NFASC: variants seen among roughly 807,000 people sequenced by gnomAD.
NFASC encodes the protein neurofascin.
In NFASC, 43 loss-of-function variants were observed where a neutral mutation model predicts 147.5. That is an observed-to-expected ratio of 0.29 (90% CI 0.23 to 0.38). The LOEUF (loss-of-function observed/expected upper bound fraction) is 0.38, where lower values mean the gene tolerates loss of function less well. NFASC is among the 10% of genes least tolerant of loss of function. The probability of loss-of-function intolerance (pLI) is 1.00; values close to 1 mark genes in which losing one functional copy is unlikely to be tolerated. For missense variants in NFASC, 1,320 were observed against 1,689.0 expected (o/e 0.78, Z 3.83); for synonymous variants, 622 against 665.5 (o/e 0.93, Z 1.01).
intron 28 of NFASC, among the ~76,000 whole-genome samples, chr1:205,012,305 G>C (rs572453863): frequency 6.6e-6 from 1 of 152,210 alleles, no homozygotes; most frequent in South Asian, 2.1e-4. Flanking sequence ...AGGTGTGTAC[G>C]GCGTGTCTTC....
intron 8 of NFASC, among the ~76,000 whole-genome samples, chr1:204,964,026 G>T (rs889650946): frequency 1.3e-5 from 2 of 152,222 alleles, no homozygotes; most frequent in Non-Finnish European, 1.5e-5. Context: ...GGAGAATCTG[G>T]TCTGAGATTG....
intron 2 of NFASC, among the ~76,000 whole-genome samples, chr1:204,925,608 A>G (rs1377063370): frequency 6.6e-6 from 1 of 152,192 alleles, no homozygotes; most frequent in African/African-American, 2.4e-5. Flanking sequence ...GAAGCTCATA[A>G]TCTGGCTAAG....
chr1:204,843,575 TC>T (rs1675983444), intron 1 of NFASC, among the ~76,000 whole-genome samples: 2 of 150,196 alleles, frequency 1.3e-5, no homozygotes, highest in Admixed American at 6.6e-5. Flanking sequence ...CTTCTCTCCT[TC>T]CTTCTTTCCT....
At chr1:204,909,839 G>A (rs1215387831) in intron 1 of NFASC, among the ~76,000 whole-genome samples, 1 of 151,080 alleles carries the variant, frequency 6.6e-6, no homozygotes, top group African/African-American at 2.4e-5. Context: ...CGAAAAGACT[G>A]TCTTTTCTCC....
chr1:204,938,022 C>T (rs1033017580), intron 2 of NFASC, among the ~76,000 whole-genome samples: 2 of 152,242 alleles, frequency 1.3e-5, no homozygotes, highest in African/African-American at 2.4e-5. Flanking sequence ...CATGTCTCGA[C>T]GCTGCCAGTC....
At chr1:204,870,676 A>T in intron 1 of NFASC, 1 of 1,079,006 alleles carries the variant, frequency 9.3e-7, no homozygotes, top group South Asian at 2.8e-5. Context: ...GCGGTGAGCG[A>T]GTGAGCAAGC....
intron 11 of NFASC, among the ~76,000 whole-genome samples, chr1:204,972,465 C>G (rs1264648418): frequency 1.3e-5 from 2 of 152,042 alleles, no homozygotes; most frequent in Non-Finnish European, 2.9e-5. Context: ...GAAATGAGGC[C>G]CAGAAAGGTT....
intron 1 of NFASC, among the ~76,000 whole-genome samples, chr1:204,916,333 C>G (rs893115728): frequency 6.6e-6 from 1 of 152,204 alleles, no homozygotes; most frequent in Non-Finnish European, 1.5e-5. Context: ...TCACTTTTAA[C>G]TAACCCTAAA....
chr1:204,945,641 G>A (rs1254796182), intron 3 of NFASC, among the ~76,000 whole-genome samples: 1 of 152,000 alleles, frequency 6.6e-6, no homozygotes, highest in African/African-American at 2.4e-5. Context: ...ATGTGGACTT[G>A]AATGTATGTG....
At chr1:204,885,317 G>A (rs2081106450) in intron 1 of NFASC, among the ~76,000 whole-genome samples, 1 of 152,068 alleles carries the variant, frequency 6.6e-6, no homozygotes, top group Admixed American at 6.6e-5. Context: ...CCAGCCGTGG[G>A]CCAGCAGAAG....
chr1:204,835,627 G>A (rs564204722), intron 1 of NFASC, among the ~76,000 whole-genome samples: 3 of 152,296 alleles, frequency 2.0e-5, no homozygotes, highest in South Asian at 4.1e-4. Flanking sequence ...TTTGATTCAT[G>A]AAGGTAAATG....
intron 26 of NFASC, among the ~76,000 whole-genome samples, chr1:205,001,642 C>G (rs2095989166): frequency 6.6e-6 from 1 of 152,174 alleles, no homozygotes; most frequent in Non-Finnish European, 1.5e-5. Context: ...TTAACTCAGG[C>G]TCCACTTGAC....
chr1:204,943,524 G>A (rs1477807333), intron 2 of NFASC, among the ~76,000 whole-genome samples: 1 of 152,086 alleles, frequency 6.6e-6, no homozygotes, highest in Non-Finnish European at 1.5e-5. Flanking sequence ...ACAATATCAG[G>A]GACCACTGTA....
chr1:204,919,130 T>G (rs1337327408), intron 1 of NFASC, among the ~76,000 whole-genome samples: 1 of 152,090 alleles, frequency 6.6e-6, no homozygotes, highest in East Asian at 1.9e-4. Flanking sequence ...ATTCAAGTGA[T>G]TTTCATGCCT....
At chr1:204,932,635 T>C (rs542787705) in intron 2 of NFASC, among the ~76,000 whole-genome samples, 1 of 152,348 alleles carries the variant, frequency 6.6e-6, no homozygotes, top group African/African-American at 2.4e-5. Context: ...TACAGTCTTA[T>C]TGGAACTGAG....
intron 7 of NFASC, among the ~76,000 whole-genome samples, chr1:204,955,694 C>G (rs2094393202): frequency 1.3e-5 from 2 of 152,146 alleles, no homozygotes; most frequent in South Asian, 4.1e-4. Flanking sequence ...TGCTATCTCT[C>G]TGTGTGTCCT....
At chr1:204,973,173 C>T (rs2095308717) in intron 11 of NFASC, 103 bp from the exon 12 acceptor site, 2 of 1,290,780 alleles carry the variant, frequency 1.5e-6, no homozygotes, top group Non-Finnish European at 2.2e-6. Context: ...CTGGTGCTCC[C>T]CACAGCACCC....
At chr1:204,983,540 G>A (rs1229147334) in intron 21 of NFASC, among the ~76,000 whole-genome samples, 1 of 152,170 alleles carries the variant, frequency 6.6e-6, no homozygotes, top group Admixed American at 6.5e-5. Context: ...TTAGGTAGAA[G>A]AGTACAAGGC....
In NFASC at chr1:204,968,260, G is replaced by T; in HGVS notation, c.718G>T (p.Ala240Ser). The change falls in exon 9 of 30, where the codon GCA becomes TCA. Residue 240 changes from alanine to serine, a missense_variant. Around this residue, in one of 3 missense-constraint regions of NFASC, gnomAD observed 981 missense variants for 1,289.5 expected, o/e 0.76. Coordinates refer to ENST00000339876, the MANE Select transcript of NFASC (RefSeq NM_001005388.3). This position sits in a 1 kb window ranked among gnomAD's most constrained non-coding sequence, Gnocchi z 5.4. ...TLKVLTTRGVAERTPSFMYPQ... is the reference protein window; with the variant it reads ...TLKVLTTRGVSERTPSFMYPQ... ...CTCTCCTGTTTCAGCCCGAGGAGTTGCAGAAAGAACACCAAGCTTCATGTA... is the reference window on the plus strand; with the variant it reads ...CTCTCCTGTTTCAGCCCGAGGAGTTTCAGAAAGAACACCAAGCTTCATGTA... 1 of 1,613,922 alleles carries T rather than the reference G, an allele frequency of 6.2e-7. No individual in the cohort carries two copies. The highest frequency in any genetic ancestry group is 8.5e-7 in the Non-Finnish European group (1 of 1,179,806).
Sources: allele counts gnomAD v4.1 joint callset (sites outside exome capture counted in the v4.1 genomes callset), GRCh38; gene constraint gnomAD v4.1.1; regional missense constraint gnomAD v4.1.1; non-coding constraint Gnocchi (gnomAD v3.1); transcripts MANE v1.5; gene names NCBI Gene and HGNC (gene_info 2026-07-23, HGNC 2026-07-21).